Variants in DOK6 observed in about 807,000 individuals in gnomAD.
The protein encoded by DOK6 is docking protein 6.
DOK6 carries 22 observed loss-of-function variants against 44.0 expected under a neutral mutation model. The ratio of observed to expected loss-of-function variants is 0.50; its 90% CI spans 0.36 to 0.71. The LOEUF (loss-of-function observed/expected upper bound fraction) is 0.71, where lower values mean the gene tolerates loss of function less well. Among genes scored for constraint, DOK6 ranks in the 30% least tolerant of loss-of-function variants. The probability of loss-of-function intolerance (pLI) is 0.00; values close to 1 mark genes in which losing one functional copy is unlikely to be tolerated. For missense variants in DOK6, 340 were observed against 416.4 expected, an observed-to-expected ratio of 0.82 and a Z score of 1.60; for synonymous variants, 166 against 145.5, an observed-to-expected ratio of 1.14 and a Z score of -1.01.
At chr18:69,491,650 A>G (rs940120178) in intron 1 of DOK6, among the ~76,000 whole-genome samples, 67 of 152,328 alleles carry the variant, frequency 4.4e-4, no homozygotes, top group African/African-American at 1.5e-3. Context: ...AGGAAGAAAC[A>G]AGAATCTGTG....
intron 1 of DOK6, among the ~76,000 whole-genome samples, chr18:69,487,925 C>T (rs957832841): frequency 2.6e-5 from 4 of 152,318 alleles, no homozygotes; most frequent in Non-Finnish European, 5.9e-5. Flanking sequence ...CCCAAACAGC[C>T]TTGATGTTCC....
chr18:69,712,299 AAAAAAAAAAAAAAAAAAAAAAAAAAAAT>A lies in DOK6; in HGVS notation c.599+13707_599+13734del, dbSNP rs1172888777. On this transcript the variant is annotated intron_variant, in intron 5 of 7. Coordinates refer to ENST00000382713, the MANE Select transcript of DOK6 (RefSeq NM_152721.6). ...CCGTCTCAAAAAAAAAAAAAAAAAA[AAAAAAAAAAAAAAAAAAAAAAAAAAAAT>A]TTAACCTTTTCCGAATCACATTTGT... Among the ~76,000 whole-genome samples the A allele has an allele frequency of 1.4e-3, 164 of 120,932 alleles. 5 individuals are homozygous for A. In the Middle Eastern group the frequency reaches 0.014, roughly 11 times the overall value. 79.3% of individuals were successfully genotyped at this position (120,932 alleles called of 152,430 possible).
At chr18:69,542,249 C>G (rs1165182065) in intron 1 of DOK6, among the ~76,000 whole-genome samples, 1 of 150,936 alleles carries the variant, frequency 6.6e-6, no homozygotes, top group Admixed American at 6.6e-5. Context: ...AGTATTATGC[C>G]AAACTTTAAG....
chr18:69,421,327 T>C (rs1466286340), intron 1 of DOK6, among the ~76,000 whole-genome samples: 1 of 152,172 alleles, frequency 6.6e-6, no homozygotes, highest in Non-Finnish European at 1.5e-5. Flanking sequence ...ATTAACATTA[T>C]TTAAGCCCCA....
intron 1 of DOK6, among the ~76,000 whole-genome samples, chr18:69,464,034 C>T (rs1979860758): frequency 1.3e-5 from 2 of 152,272 alleles, no homozygotes; most frequent in African/African-American, 4.8e-5. Flanking sequence ...GAACTCTACA[C>T]CTGACAGCAT....
chr18:69,527,473 TACTC>T lies in DOK6; in HGVS notation c.67-37010_67-37007del, dbSNP rs568443469. ...AAAACCATCAGCTCTCCTGAGAACT[TACTC>T]ACTTTCATCAGAACAGCATGGTGGT... On this transcript the variant is annotated intron_variant, in intron 1 of 7. Coordinates refer to ENST00000382713, the MANE Select transcript of DOK6 (RefSeq NM_152721.6). Among the ~76,000 whole-genome samples, 17 of 152,222 alleles carry T rather than the reference TACTC, an allele frequency of 1.1e-4. No homozygotes were observed. The South Asian group carries it at 3.5e-3, about 32-fold the overall frequency.
chr18:69,828,312 C>A (rs1280200000), intron 7 of DOK6, among the ~76,000 whole-genome samples: 1 of 151,702 alleles, frequency 6.6e-6, no homozygotes, highest in Admixed American at 6.6e-5. Context: ...TTAGATTATG[C>A]CATTTTAACA....
rs373967599 is a variant in DOK6, at chr18:69,842,099, T to G, written c.*716T>G. 2 of 148,820 alleles carry G rather than the reference T, an allele frequency of 1.3e-5. No individual in the cohort carries two copies. The highest frequency in any genetic ancestry group is 5.0e-5 in the African/African-American group (2 of 40,250). 9.2% of individuals were successfully genotyped at this position (148,820 alleles called of 1,614,324 possible). A position where few individuals can be genotyped will look rare whatever the true frequency, so the allele number is the denominator to read the frequency against. ...AAAACCATAATTTGGTGCATTAAAG[T>G]TAAGATTGTTATGTTGAATAGCTAT... On this transcript the variant is annotated 3_prime_UTR_variant, in exon 8 of 8. Coordinates refer to ENST00000382713, the MANE Select transcript of DOK6 (RefSeq NM_152721.6).
intron 5 of DOK6, among the ~76,000 whole-genome samples, chr18:69,731,959 G>A (rs1187262809): frequency 6.6e-6 from 1 of 152,122 alleles, no homozygotes; most frequent in Non-Finnish European, 1.5e-5. Flanking sequence ...GTTTAAAGTA[G>A]AACAAGTCTT....
chr18:69,616,613 T>C (rs1192797828), intron 3 of DOK6, among the ~76,000 whole-genome samples: 2 of 152,230 alleles, frequency 1.3e-5, no homozygotes, highest in African/African-American at 4.8e-5. Flanking sequence ...TATAAGCAAT[T>C]AACATACAGT....
At chr18:69,784,226 TATC>T (rs1365359490) in intron 7 of DOK6, among the ~76,000 whole-genome samples, 1 of 152,102 alleles carries the variant, frequency 6.6e-6, no homozygotes, top group African/African-American at 2.4e-5. Flanking sequence ...CTTTTGTTAA[TATC>T]ATTACCATCA....
At chr18:69,617,734 G>A (rs1050719844) in intron 3 of DOK6, among the ~76,000 whole-genome samples, 3 of 45,758 alleles carry the variant, frequency 6.6e-5, no homozygotes, top group African/African-American at 5.1e-5. Context: ...AAAAAAGGGG[G>A]AAGGAGGGAA....
chr18:69,412,977 C>T (rs1480176578), intron 1 of DOK6, among the ~76,000 whole-genome samples: 1 of 152,078 alleles, frequency 6.6e-6, no homozygotes, highest in Non-Finnish European at 1.5e-5. Flanking sequence ...AATGTAATGA[C>T]ACAGAAGTAG....
chr18:69,832,802 T>A (rs919028674), intron 7 of DOK6: 1 of 151,954 alleles, frequency 6.6e-6, no homozygotes, highest in Non-Finnish European at 1.5e-5. Context: ...AGAAAACAAT[T>A]TCATTTACAA....
At chr18:69,628,354 A>G (rs1984608097) in intron 3 of DOK6, among the ~76,000 whole-genome samples, 1 of 152,172 alleles carries the variant, frequency 6.6e-6, no homozygotes, top group Admixed American at 6.5e-5. Flanking sequence ...TCCAGGTTTC[A>G]TGGCCCATGC....
chr18:69,687,616 A>G (rs1281800676), intron 4 of DOK6, among the ~76,000 whole-genome samples: 1 of 152,194 alleles, frequency 6.6e-6, no homozygotes, highest in Non-Finnish European at 1.5e-5. Context: ...CAAGAGGCAG[A>G]GGTTGCAGCG....
chr18:69,742,133 G>A (rs1978822085), intron 6 of DOK6, among the ~76,000 whole-genome samples: 1 of 152,094 alleles, frequency 6.6e-6, no homozygotes, highest in Non-Finnish European at 1.5e-5. Context: ...TCTCAGCACT[G>A]GCCAGGCACG....
intron 3 of DOK6, among the ~76,000 whole-genome samples, chr18:69,627,153 C>A (rs959147627): frequency 6.6e-6 from 1 of 152,134 alleles, no homozygotes; most frequent in African/African-American, 2.4e-5. Flanking sequence ...TTTAATCCAG[C>A]ATTCACAACA....
intron 7 of DOK6, among the ~76,000 whole-genome samples, chr18:69,807,445 C>T (rs957323377): frequency 1.3e-5 from 2 of 151,736 alleles, no homozygotes; most frequent in African/African-American, 4.8e-5. Flanking sequence ...CCTTGCTTAT[C>T]AATAATTACT....
Sources: allele counts gnomAD v4.1 joint callset (sites outside exome capture counted in the v4.1 genomes callset), GRCh38; gene constraint gnomAD v4.1.1; transcripts MANE v1.5; gene names NCBI Gene and HGNC (gene_info 2026-07-23, HGNC 2026-07-21).